CGA: variants seen among roughly 807,000 people sequenced by gnomAD.
The protein encoded by CGA is glycoprotein hormones alpha chain.
CGA carries 4 observed loss-of-function variants against 12.0 expected under a neutral mutation model. The observed-to-expected ratio is 0.33, with a 90% CI of 0.16 to 0.76. The LOEUF (loss-of-function observed/expected upper bound fraction) is 0.76, where lower values mean the gene tolerates loss of function less well. Among genes scored for constraint, CGA ranks in the 30% least tolerant of loss-of-function variants. The probability of loss-of-function intolerance (pLI) is 0.60; values close to 1 mark genes in which losing one functional copy is unlikely to be tolerated. For missense variants in CGA, 102 were observed against 143.5 expected (o/e 0.71, Z 1.48); for synonymous variants, 60 against 56.6 (o/e 1.06, Z -0.27).
chr6:87,089,544 C>A (rs867234698), intron 1 of CGA, among the ~76,000 whole-genome samples: 6 of 152,096 alleles, frequency 3.9e-5, no homozygotes, highest in Admixed American at 1.3e-4. Flanking sequence ...TCTAAATCTG[C>A]AATTATTCAA....
rs75633904 is a variant in CGA at position 87,088,226 on chromosome 6, A to C, written c.-7-19T>G. Reference sequence around the variant, plus strand: ...GGCGCTCCTGCAGACAGACATGGCAAAAAAAAAAAAACAAAAAACAGTTAA... The same window carrying C: ...GGCGCTCCTGCAGACAGACATGGCACAAAAAAAAAAACAAAAAACAGTTAA... On this transcript the variant is annotated intron_variant, in intron 1 of 3. Coordinates refer to ENST00000627148, the MANE Select transcript of CGA (RefSeq NM_000735.4). The C allele has an allele frequency of 1.2e-6, 1 of 812,058 alleles. No homozygotes were observed. 50.3% of individuals were successfully genotyped at this position (812,058 alleles called of 1,614,324 possible). A position where few individuals can be genotyped will look rare whatever the true frequency, so the allele number is the denominator to read the frequency against.
At position 87,093,566 on chromosome 6, in the gene CGA, G is replaced by A. The variant is rs540977356; in HGVS notation, c.-8+1447C>T. On this transcript the variant is annotated intron_variant, in intron 1 of 3. Transcript: ENST00000627148. ...TCACAACCTGTAAAAATGAAGTTTG[G>A]TGCTATGAACCATGCTGTTCTCAAA... is the stretch of plus-strand genomic sequence containing the variant. 2.4e-4 allele frequency among the ~76,000 whole-genome samples: 36 copies of A among 152,322 alleles called. 1 individual carries two copies. Among genetic ancestry groups the A allele is most frequent in the Middle Eastern group, 3.4e-3 (1 of 294 alleles).
chr6:87,093,933 A>T (rs1432324496), intron 1 of CGA, among the ~76,000 whole-genome samples: 1 of 152,210 alleles, frequency 6.6e-6, no homozygotes, highest in Non-Finnish European at 1.5e-5. Flanking sequence ...AACATGAAAA[A>T]CCACGAACCT....
At chr6:87,086,163 C>G (rs1231741070) in intron 3 of CGA, 87 bp downstream of exon 3, 10 of 1,229,880 alleles carry the variant, frequency 8.1e-6, no homozygotes, top group Non-Finnish European at 1.2e-5. Context: ...CATTAGACAC[C>G]TTTGGCATTA....
intron 3 of CGA, 52 bp downstream of exon 3, chr6:87,086,198 C>T (rs895750614): frequency 2.6e-6 from 4 of 1,518,290 alleles, no homozygotes; most frequent in Non-Finnish European, 3.6e-6. Context: ...GCTCTATGAA[C>T]ATTTCTCTGA....
chr6:87,087,308 A>G (rs1272881623), intron 2 of CGA, among the ~76,000 whole-genome samples: 3 of 152,254 alleles, frequency 2.0e-5, no homozygotes, highest in African/African-American at 7.2e-5. Flanking sequence ...AGATATGCAT[A>G]GAAAATCTCA....
In CGA at chr6:87,086,244, T is replaced by A; in HGVS notation, c.273+6A>T. The A allele has an allele frequency of 6.2e-7, 1 of 1,607,530 alleles. No individual in the cohort carries two copies. Among genetic ancestry groups the A allele is most frequent in the Non-Finnish European group, 8.5e-7 (1 of 1,177,382 alleles). On this transcript the variant is annotated splice_donor_region_variant and intron_variant, in intron 3 of 3. Transcript: ENST00000627148. ...AGAAAGCTTCTGGGGATCTTGAGGT[T>A]CTTACCCTGTTATATGATTTAGCTA... is the stretch of plus-strand genomic sequence containing the variant.
intron 1 of CGA, 110 bp downstream of exon 1, chr6:87,094,903 C>A (rs1229103266): frequency 6.6e-6 from 1 of 152,164 alleles, no homozygotes; most frequent in Non-Finnish European, 1.5e-5. Context: ...TGAGTAAAAG[C>A]CTGTCTCAGT....
chr6:87,090,250 C>A (rs1003013872), intron 1 of CGA, among the ~76,000 whole-genome samples: 5 of 152,148 alleles, frequency 3.3e-5, no homozygotes, highest in African/African-American at 1.2e-4. Flanking sequence ...TTCAGTGGAT[C>A]TGTGGGGTTA....
chr6:87,093,834 G>A (rs1391600225), intron 1 of CGA, among the ~76,000 whole-genome samples: 1 of 151,930 alleles, frequency 6.6e-6, no homozygotes, highest in Admixed American at 6.6e-5. Context: ...CTTTTCAGCA[G>A]GAAATGGTAA....
intron 2 of CGA, among the ~76,000 whole-genome samples, chr6:87,086,824 TC>T (rs1769333735): frequency 6.6e-6 from 1 of 151,004 alleles, no homozygotes. Flanking sequence ...ACGCCTGTAA[TC>T]CGAGCACTTT....
chr6:87,094,290 TTCTAG>T, intron 1 of CGA, among the ~76,000 whole-genome samples: 1 of 152,302 alleles, frequency 6.6e-6, no homozygotes, highest in Non-Finnish European at 1.5e-5. Context: ...GTCTTTTATT[TTCTAG>T]TGTCTATTTC....
chr6:87,092,413 C>T (rs778546869), intron 1 of CGA, among the ~76,000 whole-genome samples: 3 of 151,764 alleles, frequency 2.0e-5, no homozygotes, highest in Non-Finnish European at 2.9e-5. Context: ...TCTTAGAAGC[C>T]GAGGTGGGAG....
At chr6:87,093,469 C>T (rs1355009844) in intron 1 of CGA, among the ~76,000 whole-genome samples, 1 of 152,196 alleles carries the variant, frequency 6.6e-6, no homozygotes, top group Non-Finnish European at 1.5e-5. Flanking sequence ...ATTACAATGG[C>T]ACTGCTGTAA....
chr6:87,089,579 C>A (rs1769393580), intron 1 of CGA, among the ~76,000 whole-genome samples: 1 of 152,086 alleles, frequency 6.6e-6, no homozygotes, highest in African/African-American at 2.4e-5. Flanking sequence ...TAAAAAAATT[C>A]AGAATGAGGT....
intron 1 of CGA, among the ~76,000 whole-genome samples, chr6:87,090,641 T>A (rs1769412847): frequency 6.7e-6 from 1 of 149,890 alleles, no homozygotes; most frequent in Non-Finnish European, 1.5e-5. Context: ...TCAATAATTT[T>A]TTTTTTGTTT....
At chr6:87,091,333 ACAGAATAGCCTT>A (rs1769428767) in intron 1 of CGA, among the ~76,000 whole-genome samples, 1 of 152,188 alleles carries the variant, frequency 6.6e-6, no homozygotes, top group Non-Finnish European at 1.5e-5. Context: ...CCAAGTAAAA[ACAGAATAGCCTT>A]CAAATTCTAG....
rs36041112 is a variant in CGA at position 87,092,084 on chromosome 6, A to ATTTT, written c.-8+2925_-8+2928dup. On this transcript the variant is annotated intron_variant, in intron 1 of 3. Coordinates refer to ENST00000627148, the MANE Select transcript of CGA (RefSeq NM_000735.4). ...TGTCTAGGCATCTTACTTTAAAAGG[A>ATTTT]TTTTTTTTTTTGGTAATAAAAACAG... Among the ~76,000 whole-genome samples the ATTTT allele has an allele frequency of 3.6e-3, 537 of 149,698 alleles. 6 individuals are homozygous for ATTTT. The highest frequency in any genetic ancestry group is 0.014 in the East Asian group (70 of 5,084).
rs71553498 is a variant in CGA at position 87,088,224 on chromosome 6, C to CAAA, written c.-7-20_-7-18dup. Reference sequence around the variant, plus strand: ...ATGGCGCTCCTGCAGACAGACATGGCAAAAAAAAAAAAACAAAAAACAGTT... The same window carrying CAAA: ...ATGGCGCTCCTGCAGACAGACATGGCAAAAAAAAAAAAAAAACAAAAAACAGTT... On this transcript the variant is annotated splice_polypyrimidine_tract_variant and intron_variant, in intron 1 of 3. Transcript: ENST00000627148. 5.2e-3 allele frequency: 2,272 copies of CAAA among 436,236 alleles called. 105 individuals are homozygous for CAAA. The African/African-American group carries it at 0.1, about 20-fold the overall frequency. The allele number at this position is 436,236 out of a possible 1,614,324, so 27.0% of individuals were successfully genotyped here.
Sources: gnomAD v4.1 joint callset for allele counts (sites outside exome capture counted in the v4.1 genomes callset) on GRCh38, gnomAD v4.1.1 for gene constraint, MANE v1.5 for transcripts, NCBI Gene and HGNC (gene_info 2026-07-23, HGNC 2026-07-21) for gene names.